Variants in F8 observed in about 807,000 individuals in gnomAD.
F8 encodes the protein antihemophilic factor.
In F8, 12 loss-of-function variants were observed where a neutral mutation model predicts 140.6. That is an observed-to-expected ratio of 0.09 (90% CI 0.05 to 0.14). The LOEUF is 0.14. F8 is among the 10% of genes least tolerant of loss of function. F8 has a pLI of 1.00. For synonymous variants in F8, 585 were observed against 614.6 expected (o/e 0.95, Z 0.71); for missense variants, 1,354 against 1,720.7 (o/e 0.79, Z 3.77).
intron 6 of F8, among the ~76,000 whole-genome samples, chrX:154,983,883 T>A (rs1557283974): frequency 8.9e-6 from 1 of 112,413 alleles, no homozygotes; most frequent in Admixed American, 9.4e-5. Context: ...GGGATATTTC[T>A]GCCTTCAGAC....
intron 13 of F8, among the ~76,000 whole-genome samples, chrX:154,945,946 G>A (rs1054633743): frequency 2.7e-5 from 3 of 111,484 alleles, no homozygotes; most frequent in Non-Finnish European, 3.8e-5. Context: ...TATATACCAA[G>A]AGCTAACAAC....
rs1557278381 is a variant in F8 at position 154,929,138 on chromosome X, G to A, written c.4652C>T (p.Ala1551Val). ...TCTGTTTGCTTCATTCCACTTAATCGCTCCCTCTGTTCCCTGAAGAAGGCT... is the reference window on the plus strand; with the variant it reads ...TCTGTTTGCTTCATTCCACTTAATCACTCCCTCTGTTCCCTGAAGAAGGCT... Reference protein sequence around the residue: ...EGSLLQGTEGAIKWNEANRPG... With the variant: ...EGSLLQGTEGVIKWNEANRPG... The change falls in exon 14 of 26, where the codon GCG becomes GTG. Residue 1551 changes from alanine to valine, a missense_variant. Around this residue, in one of 4 missense-constraint regions of F8, gnomAD observed 658 missense variants for 666.5 expected, o/e 0.99. Transcript: ENST00000360256. 6 of 1,211,136 alleles carry A rather than the reference G, an allele frequency of 5.0e-6. No individual in the cohort carries two copies. The highest frequency in any genetic ancestry group is 5.9e-5 in the East Asian group (2 of 33,837).
intron 6 of F8, among the ~76,000 whole-genome samples, chrX:154,978,839 A>T (rs2073501795): frequency 9.0e-6 from 1 of 111,264 alleles, no homozygotes; most frequent in African/African-American, 3.3e-5. Context: ...TAGCCTCTGT[A>T]TAAGATTCTA....
chrX:154,974,038 G>A (rs1456913190), intron 6 of F8, among the ~76,000 whole-genome samples: 1 of 110,447 alleles, frequency 9.1e-6, no homozygotes, highest in Non-Finnish European at 1.9e-5. Flanking sequence ...GGCTGGTCTC[G>A]AACTCTGGAC....
At chrX:155,013,752 C>T (rs1029848766) in intron 1 of F8, among the ~76,000 whole-genome samples, 8 of 111,664 alleles carry the variant, frequency 7.2e-5, no homozygotes, top group African/African-American at 2.0e-4. Context: ...CTCACAGTTC[C>T]GGAGGCTGGA....
intron 8 of F8, 128 bp downstream of exon 8, chrX:154,966,298 C>A: frequency 1.1e-6 from 1 of 941,767 alleles, no homozygotes; most frequent in Non-Finnish European, 1.5e-6. Context: ...AATGTTAATA[C>A]CCTTGCCATT....
chrX:154,906,289 C>T (rs1367177440), intron 15 of F8, 131 bp downstream of exon 15: 3 of 535,286 alleles, frequency 5.6e-6, no homozygotes, highest in Admixed American at 4.3e-5. Flanking sequence ...AAAAATAGAA[C>T]GTACACAAAG....
At chrX:154,927,779 T>C (rs2073168414) in intron 14 of F8, among the ~76,000 whole-genome samples, 1 of 111,472 alleles carries the variant, frequency 9.0e-6, no homozygotes, top group South Asian at 3.8e-4. Context: ...GTAAACTTTT[T>C]CCATTCTCAG....
At chrX:154,917,722 C>T (rs782173092) in intron 14 of F8, among the ~76,000 whole-genome samples, 2 of 111,590 alleles carry the variant, frequency 1.8e-5, no homozygotes, top group South Asian at 3.7e-4. Flanking sequence ...TTTAGACTTT[C>T]CAGTGCATTT....
rs370854781 is a variant in F8, at chrX:154,972,707, C to T, written c.788-3155G>A. On this transcript the variant is annotated intron_variant, in intron 6 of 25. Transcript: ENST00000360256. ...GTTCTTTTCTTTTCTTTCTGTCTTT[C>T]TTTTTTTTTTTTTTTTTTTTTTTTT... 9.1e-3 allele frequency among the ~76,000 whole-genome samples: 503 copies of T among 55,026 alleles called. 7 individuals are homozygous for T. The highest frequency in any genetic ancestry group is 0.024 in the African/African-American group (358 of 14,623). The allele number at this position is 55,026 out of a possible 115,157, so 47.8% of individuals were successfully genotyped here. A position where few individuals can be genotyped will look rare whatever the true frequency, so the allele number is the denominator to read the frequency against.
At position 154,836,613 on chromosome X, in the gene F8, G is replaced by A. The variant is rs1557270945; in HGVS notation, c.*984C>T. On this transcript the variant is annotated 3_prime_UTR_variant, in exon 26 of 26. Transcript: ENST00000360256. ...TTAGTAGAGGGAGAGAGTAAACTGA[G>A]TGCATTATTAGAATTACAAAGTTTG... 1.8e-5 allele frequency: 2 copies of A among 111,826 alleles called. No homozygotes were observed. Among genetic ancestry groups the A allele is most frequent in the African/African-American group, 6.5e-5 (2 of 30,749 alleles). The allele number at this position is 111,826 out of a possible 1,213,427, so 9.2% of individuals were successfully genotyped here.
rs1557285444 is a variant in F8, at chrX:154,999,596, G to A, written c.148C>T (p.Pro50Ser). The A allele has an allele frequency of 1.1e-5, 13 of 1,205,374 alleles. No homozygotes were observed. Among genetic ancestry groups the A allele is most frequent in the African/African-American group, 1.7e-5 (1 of 57,634 alleles). ...LGELPVDARFPPRVPKSFPFN... is the reference protein window; with the variant it reads ...LGELPVDARFSPRVPKSFPFN... ...GGAAAAGATTTTGGCACTCTAGGAG[G>A]AAATCTGCGTGAAGAAAGGAAAAAG... The change falls in exon 2 of 26, where the codon CCT becomes TCT. Residue 50 changes from proline (P) to serine (S), a missense_variant. Around this residue, in one of 4 missense-constraint regions of F8, gnomAD observed 128 missense variants for 230.4 expected, o/e 0.56. Transcript: ENST00000360256.
intron 6 of F8, among the ~76,000 whole-genome samples, chrX:154,971,764 G>C (rs2073457485): frequency 8.9e-6 from 1 of 111,753 alleles, no homozygotes; most frequent in Admixed American, 9.5e-5. Context: ...ATAGGACTGA[G>C]ATCATGGAGT....
At chrX:154,896,631 A>G (rs2072982975) in intron 21 of F8, among the ~76,000 whole-genome samples, 1 of 110,908 alleles carries the variant, frequency 9.0e-6, no homozygotes, top group Admixed American at 9.6e-5. Flanking sequence ...CTCAGACCAA[A>G]GCCAATTTCC....
chrX:154,930,810 C>T lies in F8; in HGVS notation c.2980G>A (p.Gly994Arg). ...AAAGCAGGTCCATGAGCTCTTTTCC[C>T]TTTAAATAACCTACCACTCTCTGTT... ...SSTESGRLFK[G>R]KRAHGPALLT... The change falls in exon 14 of 26, where the codon GGG (glycine) becomes AGG (arginine). Residue 994 changes from glycine to arginine, a missense_variant. By Grantham distance (125) the Gly-to-Arg change is moderately radical. Transcript: ENST00000360256. 8.3e-7 allele frequency: 1 copy of T among 1,210,716 alleles called. No homozygotes were observed. Among genetic ancestry groups the T allele is most frequent in the Non-Finnish European group, 1.1e-6 (1 of 894,630 alleles).
At chrX:154,943,216 G>A (rs1161057048) in intron 13 of F8, among the ~76,000 whole-genome samples, 1 of 111,726 alleles carries the variant, frequency 9.0e-6, no homozygotes, top group Non-Finnish European at 1.9e-5. Context: ...TAGGAAAAGA[G>A]GAAGTCAAAT....
intron 14 of F8, chrX:154,909,696 G>C (rs1374889859): frequency 8.9e-6 from 1 of 112,578 alleles, no homozygotes; most frequent in Non-Finnish European, 1.9e-5. Context: ...CAGTCAACCT[G>C]AGAGGTGCCT....
intron 1 of F8, among the ~76,000 whole-genome samples, chrX:155,003,960 C>CAAAAAAAA (rs869097926): frequency 9.0e-5 from 3 of 33,174 alleles, no homozygotes; most frequent in African/African-American, 2.5e-4. Flanking sequence ...GATTCTGTCT[C>CAAAAAAAA]AAAAAAAAAA....
intron 25 of F8, among the ~76,000 whole-genome samples, chrX:154,848,859 C>A (rs1454791538): frequency 9.0e-6 from 1 of 111,608 alleles, no homozygotes; most frequent in Non-Finnish European, 1.9e-5. Flanking sequence ...ATGCAGAAAT[C>A]ACCTGTCTTC....
Sources: gnomAD v4.1 joint callset for allele counts (sites outside exome capture counted in the v4.1 genomes callset) on GRCh38, gnomAD v4.1.1 for gene constraint, gnomAD v4.1.1 regional missense constraint, MANE v1.5 for transcripts, NCBI Gene and HGNC (gene_info 2026-07-23, HGNC 2026-07-21) for gene names.